DMD: variants seen among roughly 807,000 people sequenced by gnomAD.
The protein encoded by DMD is mutant dystrophin.
A neutral mutation model predicts 330.1 loss-of-function variants in DMD; 63 were observed. The observed-to-expected ratio is 0.19, with a 90% CI of 0.16 to 0.24. DMD has a LOEUF of 0.24. DMD is among the 10% of genes least tolerant of loss of function. DMD has a pLI of 1.00. For synonymous variants in DMD, 1,223 were observed against 959.8 expected, an observed-to-expected ratio of 1.27 and a Z score of -5.07; for missense variants, 3,344 against 2,684.1, an observed-to-expected ratio of 1.25 and a Z score of -5.43.
intron 60 of DMD, among the ~76,000 whole-genome samples, chrX:31,416,870 G>A (rs1171014923): frequency 8.9e-6 from 1 of 112,011 alleles, no homozygotes; most frequent in Non-Finnish European, 1.9e-5. Context: ...AAATATTTGG[G>A]GTAAGAGGGT....
intron 59 of DMD, among the ~76,000 whole-genome samples, chrX:31,474,730 AAT>A (rs2067622109): frequency 9.6e-6 from 1 of 104,179 alleles, no homozygotes; most frequent in Non-Finnish European, 2.0e-5. Context: ...AATAAAATAA[AAT>A]AAAATAAAAT....
intron 1 of DMD, among the ~76,000 whole-genome samples, chrX:33,172,334 T>C (rs920693213): frequency 1.8e-5 from 2 of 111,793 alleles, no homozygotes; most frequent in African/African-American, 6.5e-5. Context: ...AATAAGTTTT[T>C]ATTTACTCAT....
At chrX:32,779,882 AAATTTT>A (rs1448529154) in intron 7 of DMD, among the ~76,000 whole-genome samples, 1 of 111,761 alleles carries the variant, frequency 8.9e-6, no homozygotes, top group Non-Finnish European at 1.9e-5. Context: ...AAAAAAAGAA[AAATTTT>A]AAAGATTACT....
intron 48 of DMD, among the ~76,000 whole-genome samples, chrX:31,863,100 C>T (rs1046799428): frequency 2.7e-5 from 3 of 112,620 alleles, no homozygotes; most frequent in Non-Finnish European, 5.6e-5. Flanking sequence ...TCCCAGCACT[C>T]TGGGAGGCCG....
intron 7 of DMD, among the ~76,000 whole-genome samples, chrX:32,715,624 A>T (rs2065636047): frequency 9.2e-6 from 1 of 109,247 alleles, no homozygotes; most frequent in African/African-American, 3.3e-5. Flanking sequence ...ACATGGTGAA[A>T]CCCCATCTCT....
chrX:32,679,011 TA>T (rs1232343254), intron 9 of DMD, among the ~76,000 whole-genome samples: 1 of 111,697 alleles, frequency 9.0e-6, no homozygotes, highest in Non-Finnish European at 1.9e-5. Context: ...CCTAACACAC[TA>T]AAAAGTAAGA....
At chrX:33,009,728 A>G (rs1208097681) in intron 2 of DMD, among the ~76,000 whole-genome samples, 5 of 60,622 alleles carry the variant, frequency 8.2e-5, no homozygotes, top group Admixed American at 3.1e-4. Context: ...ATGTGTGTAT[A>G]TGTGTATATA....
chrX:31,447,362 T>C (rs776731442), intron 59 of DMD, among the ~76,000 whole-genome samples: 1 of 104,288 alleles, frequency 9.6e-6, no homozygotes, highest in South Asian at 4.7e-4. Context: ...GCCAAAGTCT[T>C]CATTCTCTTT....
chrX:32,780,736 T>C (rs1463111850), intron 7 of DMD, among the ~76,000 whole-genome samples: 1 of 110,634 alleles, frequency 9.0e-6, no homozygotes, highest in Non-Finnish European at 1.9e-5. Flanking sequence ...TTTAAAATCC[T>C]AACTGGTCTT....
At chrX:32,576,575 G>C (rs1432348539) in intron 13 of DMD, among the ~76,000 whole-genome samples, 1 of 110,390 alleles carries the variant, frequency 9.1e-6, no homozygotes, top group Non-Finnish European at 1.9e-5. Context: ...GTGAGACAGA[G>C]GTGGGATAGC....
intron 63 of DMD, among the ~76,000 whole-genome samples, chrX:31,227,248 A>T (rs1460920638): frequency 9.0e-6 from 1 of 111,542 alleles, no homozygotes; most frequent in East Asian, 2.8e-4. Context: ...CATATCAAGA[A>T]TTGGCAAATT....
At chrX:33,328,272 T>G (rs757817104) in intron 1 of DMD, among the ~76,000 whole-genome samples, 2 of 111,456 alleles carry the variant, frequency 1.8e-5, no homozygotes, top group Non-Finnish European at 3.8e-5. Flanking sequence ...GGCACGATCT[T>G]GACTCATTGC....
intron 47 of DMD, among the ~76,000 whole-genome samples, chrX:31,910,006 G>A (rs962945541): frequency 4.5e-5 from 5 of 112,258 alleles, no homozygotes; most frequent in African/African-American, 1.3e-4. Flanking sequence ...GAAGACTTGC[G>A]AAAGCAAAGG....
intron 55 of DMD, among the ~76,000 whole-genome samples, chrX:31,612,332 C>T (rs2077969803): frequency 8.9e-6 from 1 of 111,917 alleles, no homozygotes; most frequent in African/African-American, 3.2e-5. Context: ...ACTTCTTGTT[C>T]AAGATGATGT....
At chrX:32,279,935 C>A (rs2097407585) in intron 43 of DMD, among the ~76,000 whole-genome samples, 1 of 90,723 alleles carries the variant, frequency 1.1e-5, no homozygotes, top group Non-Finnish European at 2.3e-5. Context: ...ATATATGTAC[C>A]CCACATATAT....
Position 32,882,056 on chromosome X carries a change from GT to G in DMD, c.94-32237del, listed in dbSNP as rs200629610. On this transcript the variant is annotated intron_variant, in intron 2 of 78. Transcript: ENST00000357033. ...TAACAAGCTATTCAATTTAGCTTGT[GT>G]TTTGTTTTTCAAAAGCTTAGAGAAT... Among the ~76,000 whole-genome samples the G allele has an allele frequency of 4.3e-3, 482 of 112,165 alleles. 8 individuals are homozygous for G. The East Asian group carries it at 0.063, about 15-fold the overall frequency.
At chrX:32,696,103 C>T (rs1317392051) in intron 9 of DMD, among the ~76,000 whole-genome samples, 2 of 111,888 alleles carry the variant, frequency 1.8e-5, no homozygotes, top group Non-Finnish European at 3.8e-5. Flanking sequence ...GCTCTCTCCT[C>T]TTATAGAGAA....
In DMD at chrX:33,336,361, G is replaced by C. The variant is rs1446980510; in HGVS notation, c.7+2898C>G. 8.2e-5 allele frequency among the ~76,000 whole-genome samples: 9 copies of C among 109,148 alleles called. No individual in the cohort carries two copies. The East Asian group carries it at 2.6e-3, about 31-fold the overall frequency. 94.8% of individuals were successfully genotyped at this position (109,148 alleles called of 115,157 possible). A position where few individuals can be genotyped will look rare whatever the true frequency, so the allele number is the denominator to read the frequency against. On this transcript the variant is annotated intron_variant, in intron 1 of 17. Transcript: ENST00000288447. Reference sequence around the variant, plus strand: ...ATGAGAATGGGAGGATAATAGGATGGAGCAAGCTTCTCAGGCAAAACATTT... The same window carrying C: ...ATGAGAATGGGAGGATAATAGGATGCAGCAAGCTTCTCAGGCAAAACATTT...
Position 32,484,976 on chromosome X carries a change from T to C in DMD, c.2746A>G (p.Asn916Asp). Residue 916 changes from asparagine (N) to aspartate (D), a missense_variant, in exon 21 of 79, where the codon AAT becomes GAT. Coordinates refer to ENST00000357033, the MANE Select transcript of DMD (RefSeq NM_004006.3). ...TCAGAAAAGACTTGCTTAAAATGAT[T>C]TGTAAAGGCCACAAAGTCTGCATCC... ...FLDADFVAFT[N>D]HFKQVFSDVQ... 1 of 1,211,650 alleles carries C rather than the reference T, an allele frequency of 8.3e-7. No individual in the cohort carries two copies. Among genetic ancestry groups the C allele is most frequent in the South Asian group, 1.8e-5 (1 of 56,989 alleles).
Sources: gnomAD v4.1 joint callset for allele counts (sites outside exome capture counted in the v4.1 genomes callset) on GRCh38, gnomAD v4.1.1 for gene constraint, MANE v1.5 for transcripts, NCBI Gene and HGNC (gene_info 2026-07-23, HGNC 2026-07-21) for gene names.